Variants in CAPN3 observed in about 807,000 individuals in gnomAD.
CAPN3 encodes the protein calpain 3.
CAPN3 carries 88 observed loss-of-function variants against 114.0 expected under a neutral mutation model. The ratio of observed to expected loss-of-function variants is 0.77; its 90% CI spans 0.65 to 0.92. The LOEUF (loss-of-function observed/expected upper bound fraction) is 0.92, where lower values mean the gene tolerates loss of function less well. Ranked by LOEUF, CAPN3 falls within the 40% of genes least tolerant of loss-of-function variation. CAPN3 has a pLI of 0.00. For synonymous variants in CAPN3, 386 were observed against 382.9 expected (o/e 1.01, Z -0.09); for missense variants, 1,028 against 1,069.0 (o/e 0.96, Z 0.53).
intron 14 of CAPN3, chr15:42,404,765 G>C (rs1479850092): frequency 1.8e-6 from 2 of 1,124,944 alleles, no homozygotes; most frequent in African/African-American, 3.2e-5. Context: ...CTTCTGGGCA[G>C]TGACAGTCAT....
intron 15 of CAPN3, among the ~76,000 whole-genome samples, chr15:42,407,220 T>C (rs559388580): frequency 1.8e-4 from 28 of 152,280 alleles, no homozygotes; most frequent in Non-Finnish European, 3.7e-4. Context: ...ATCTTAAATG[T>C]TTTTGCAGTA....
At chr15:42,363,209 TGCATTGAGTTTCCAGG>T (rs2052690272) in intron 1 of CAPN3, among the ~76,000 whole-genome samples, 2 of 152,210 alleles carry the variant, frequency 1.3e-5, no homozygotes, top group Non-Finnish European at 2.9e-5. Flanking sequence ...GGGAACATCA[TGCATTGAGTTTCCAGG>T]GCAAACAATC....
At chr15:42,378,223 G>A (rs532648447) in intron 1 of CAPN3, among the ~76,000 whole-genome samples, 42 of 152,316 alleles carry the variant, frequency 2.8e-4, no homozygotes, top group African/African-American at 9.6e-4. Flanking sequence ...ACACACCTGT[G>A]GGTAATTAAT....
intron 8 of CAPN3, among the ~76,000 whole-genome samples, chr15:42,395,557 G>A (rs2053665985): frequency 6.6e-6 from 1 of 152,180 alleles, no homozygotes; most frequent in South Asian, 2.1e-4. Flanking sequence ...AGTGACATTG[G>A]AACTGTGCTC....
intron 4 of CAPN3, among the ~76,000 whole-genome samples, chr15:42,388,638 A>G (rs1354967533): frequency 1.3e-5 from 2 of 151,658 alleles, no homozygotes; most frequent in African/African-American, 4.8e-5. Context: ...CCCTTCCTCA[A>G]CGTTCAGGAT....
intron 1 of CAPN3, among the ~76,000 whole-genome samples, chr15:42,362,786 A>G (rs528431158): frequency 6.6e-6 from 1 of 152,304 alleles, no homozygotes; most frequent in Non-Finnish European, 1.5e-5. Flanking sequence ...TGACTCCAGA[A>G]CTTTCTGACT....
chr15:42,399,971 C>T (rs2053819833), intron 10 of CAPN3, among the ~76,000 whole-genome samples: 1 of 152,172 alleles, frequency 6.6e-6, no homozygotes, highest in Non-Finnish European at 1.5e-5. Context: ...AACATCATAG[C>T]TTAGCCTGGC....
chr15:42,397,879 A>G (rs1314650090), intron 9 of CAPN3, among the ~76,000 whole-genome samples: 1 of 151,786 alleles, frequency 6.6e-6, no homozygotes, highest in South Asian at 2.1e-4. Context: ...AAAATTAGCC[A>G]GATGTGGTGG....
At chr15:42,397,424 G>A (rs1303381203) in intron 9 of CAPN3, among the ~76,000 whole-genome samples, 3 of 152,098 alleles carry the variant, frequency 2.0e-5, no homozygotes, top group Non-Finnish European at 4.4e-5. Flanking sequence ...AACGGATCAC[G>A]AGGTCAGGAG....
intron 1 of CAPN3, among the ~76,000 whole-genome samples, chr15:42,365,588 TTTCCCCTCACCTC>T (rs1449499076): frequency 6.6e-6 from 1 of 151,952 alleles, no homozygotes; most frequent in Non-Finnish European, 1.5e-5. Flanking sequence ...CCCCTCACCT[TTTCCCCTCACCTC>T]TTTCCCTCAA....
At chr15:42,379,110 G>A (rs56702977) in intron 1 of CAPN3, among the ~76,000 whole-genome samples, 24,962 of 151,942 alleles carry the variant, frequency 0.16, 2,229 homozygotes, top group South Asian at 0.26. Flanking sequence ...TCAGGAGTTC[G>A]AGACCAGCCT....
At chr15:42,403,830 C>T (rs2053944400) in intron 14 of CAPN3, 53 bp downstream of exon 14, 9 of 1,496,792 alleles carry the variant, frequency 6.0e-6, no homozygotes, top group Non-Finnish European at 7.5e-6. Flanking sequence ...CCTTCCCTGA[C>T]CATGCAGGGG....
intron 1 of CAPN3, among the ~76,000 whole-genome samples, chr15:42,384,012 C>T (rs1235029941): frequency 1.3e-5 from 2 of 152,214 alleles, no homozygotes; most frequent in Admixed American, 1.3e-4. Context: ...AGTTTCTTAA[C>T]CTCTCTGGGC....
Position 42,359,925 on chromosome 15 carries a change from T to A in CAPN3, c.120T>A (p.Ser40Arg). ...CTGAGGCTGGGGGTGGAAACCCAAGTGGCATCTATTCAGCCATCATCAGCC... is the reference window on the plus strand; with the variant it reads ...CTGAGGCTGGGGGTGGAAACCCAAGAGGCATCTATTCAGCCATCATCAGCC... ...KATEAGGGNPSGIYSAIISRN... is the reference protein window; with the variant it reads ...KATEAGGGNPRGIYSAIISRN... Residue 40 changes from serine (S) to arginine (R), a missense_variant, in exon 1 of 24, where the codon AGT (serine) becomes AGA (arginine). By Grantham distance (110) the Ser-to-Arg change is moderately radical. Coordinates refer to ENST00000397163, the MANE Select transcript of CAPN3 (RefSeq NM_000070.3). The A allele has an allele frequency of 1.9e-6, 3 of 1,614,222 alleles. No individual in the cohort carries two copies. The highest frequency in any genetic ancestry group is 2.5e-6 in the Non-Finnish European group (3 of 1,180,042).
rs147774793 is a variant in CAPN3 at position 42,410,638 on chromosome 15, C to A, written c.2235C>A (p.Tyr745Ter). 4.3e-6 allele frequency: 7 copies of A among 1,613,754 alleles called. No homozygotes were observed. The highest frequency in any genetic ancestry group is 5.9e-6 in the Non-Finnish European group (7 of 1,179,950). ...DTDQSGTINS[Y>*]EMRNAVNDAG... Reference sequence around the variant, plus strand: ...ACCAGTCCGGCACCATCAACAGCTACGAGATGCGAAATGCAGTCAACGACG... The same window carrying A: ...ACCAGTCCGGCACCATCAACAGCTAAGAGATGCGAAATGCAGTCAACGACG... Residue 745 changes from tyrosine to a stop codon, truncating the protein, a stop_gained, in exon 21 of 24, where the codon TAC (tyrosine) becomes TAA (stop). Coordinates refer to ENST00000397163, the MANE Select transcript of CAPN3 (RefSeq NM_000070.3). LOFTEE classifies it high-confidence loss of function.
At chr15:42,407,153 T>C (rs2054047556) in intron 15 of CAPN3, among the ~76,000 whole-genome samples, 1 of 152,170 alleles carries the variant, frequency 6.6e-6, no homozygotes, top group Non-Finnish European at 1.5e-5. Context: ...CTCCGTCCTT[T>C]TCATATCCTT....
chr15:42,362,262 A>T (rs963648178), intron 1 of CAPN3, among the ~76,000 whole-genome samples: 3 of 152,226 alleles, frequency 2.0e-5, no homozygotes, highest in Non-Finnish European at 2.9e-5. Flanking sequence ...AAAAAAGTTT[A>T]AAAAAATAAA....
At chr15:42,407,374 C>CA (rs2054054953) in intron 15 of CAPN3, among the ~76,000 whole-genome samples, 1 of 151,732 alleles carries the variant, frequency 6.6e-6, no homozygotes, top group Non-Finnish European at 1.5e-5. Context: ...TGTCACCCAG[C>CA]CTGGAGTGCA....
At position 42,410,961 on chromosome 15, in the gene CAPN3, A is replaced by G; in HGVS notation, c.2341A>G (p.Ser781Gly). ...CAAACACATGAACATCGACTTTGAC[A>G]GTTTCATCTGCTGCTTCGTTAGGCT... The part of the protein sequence containing the change: ...ADKHMNIDFD[S>G]FICCFVRLEG... Residue 781 changes from serine to glycine, a missense_variant, in exon 22 of 24, where the codon AGT (serine) becomes GGT (glycine). Ser to Gly is a moderately conservative substitution (Grantham distance 56). Transcript: ENST00000397163. 6.2e-7 allele frequency: 1 copy of G among 1,614,192 alleles called. No individual in the cohort carries two copies. The highest frequency in any genetic ancestry group is 1.6e-4 in the Middle Eastern group (1 of 6,062).
Sources: gnomAD v4.1 joint callset for allele counts (sites outside exome capture counted in the v4.1 genomes callset) on GRCh38, gnomAD v4.1.1 for gene constraint, MANE v1.5 for transcripts, NCBI Gene and HGNC (gene_info 2026-07-23, HGNC 2026-07-21) for gene names.